The following EMP2 variants were observed in gnomAD, a reference collection of about 807,000 sequenced individuals.
EMP2 encodes the protein epithelial membrane protein 2.
EMP2 carries 19 observed loss-of-function variants against 13.7 expected under a neutral mutation model. The ratio of observed to expected loss-of-function variants is 1.38; its 90% CI spans 0.97 to 2.03. EMP2 has a LOEUF of 2.03. Ranked by LOEUF, EMP2 falls within the 30% of genes most tolerant of loss-of-function variation. EMP2 has a pLI of 0.00. For synonymous variants in EMP2, 97 were observed against 84.7 expected (o/e 1.15, Z -0.80); for missense variants, 253 against 220.7 (o/e 1.15, Z -0.93).
At position 10,532,771 on chromosome 16, in the gene EMP2, T is replaced by TTTTTTTTTTTTTTTTTTTTTTTTTC. The variant is rs2050616339; in HGVS notation, c.*133_*134insGAAAAAAAAAAAAAAAAAAAAAAAA. ...TTTTTCTTTTTTCTTTTTTTTTTTT[T>TTTTTTTTTTTTTTTTTTTTTTTTTC]TTTTTTTTTTTTTTTGGCTTTTAAA... On this transcript the variant is annotated 3_prime_UTR_variant, in exon 5 of 5. Coordinates refer to ENST00000359543, the MANE Select transcript of EMP2 (RefSeq NM_001424.6). 1 of 377,392 alleles carries TTTTTTTTTTTTTTTTTTTTTTTTTC rather than the reference T, an allele frequency of 2.6e-6. No individual in the cohort carries two copies. Among genetic ancestry groups the TTTTTTTTTTTTTTTTTTTTTTTTTC allele is most frequent in the African/African-American group, 2.2e-5 (1 of 44,766 alleles). 23.4% of individuals were successfully genotyped at this position (377,392 alleles called of 1,614,324 possible).
At chr16:10,551,572 A>G (rs1290636602) in intron 1 of EMP2, among the ~76,000 whole-genome samples, 3 of 152,038 alleles carry the variant, frequency 2.0e-5, no homozygotes, top group Non-Finnish European at 4.4e-5. Flanking sequence ...ACGCCTGGCT[A>G]ATTTTTGCAT....
Position 10,557,822 on chromosome 16 carries a change from A to T in EMP2, c.-60-10145T>A, listed in dbSNP as rs898090806. On this transcript the variant is annotated intron_variant, in intron 1 of 4. Coordinates refer to ENST00000359543, the MANE Select transcript of EMP2 (RefSeq NM_001424.6). Reference sequence around the variant, plus strand: ...AACTTCAGACATAAGTTTCTTTTTAAAGGAAAAAGAACCCATAACCAGGGT... The same window carrying T: ...AACTTCAGACATAAGTTTCTTTTTATAGGAAAAAGAACCCATAACCAGGGT... Among the ~76,000 whole-genome samples the T allele has an allele frequency of 2.0e-5, 3 of 152,132 alleles. No individual in the cohort carries two copies. The South Asian group carries it at 6.2e-4, about 32-fold the overall frequency.
In EMP2 at chr16:10,533,587, G is replaced by A. The variant is rs367641523; in HGVS notation, c.317-495C>T. Among the ~76,000 whole-genome samples, 4 of 152,242 alleles carry A rather than the reference G, an allele frequency of 2.6e-5. No individual in the cohort carries two copies. In the East Asian group the frequency reaches 7.7e-4, roughly 29 times the overall value. ...CAGTTTAGGTTTTCTGTGGGCCATG[G>A]TCACACAAGTCTGCCACAGTAGCAT... On this transcript the variant is annotated intron_variant, in intron 4 of 4. Coordinates refer to ENST00000359543, the MANE Select transcript of EMP2 (RefSeq NM_001424.6).
chr16:10,558,114 C>A (rs577590821), intron 1 of EMP2, among the ~76,000 whole-genome samples: 2 of 151,532 alleles, frequency 1.3e-5, no homozygotes, highest in Non-Finnish European at 2.9e-5. Flanking sequence ...ACGGCAACCT[C>A]GAACTTTTGG....
At chr16:10,562,002 G>A (rs1475363356) in intron 1 of EMP2, among the ~76,000 whole-genome samples, 7 of 152,172 alleles carry the variant, frequency 4.6e-5, no homozygotes, top group Non-Finnish European at 7.4e-5. Flanking sequence ...ACTTAAGGAA[G>A]AATAATACCA....
chr16:10,528,733 C>T lies in EMP2; in HGVS notation c.*4172G>A, dbSNP rs572111784. On this transcript the variant is annotated 3_prime_UTR_variant, in exon 5 of 5. Coordinates refer to ENST00000359543, the MANE Select transcript of EMP2 (RefSeq NM_001424.6). ...CCTCTAGGCCTTGCCCTAACATTTC[C>T]CCAACACCACAAAATTGTCCAACTT... is the stretch of plus-strand genomic sequence containing the variant. 3.9e-5 allele frequency: 6 copies of T among 152,280 alleles called. No individual in the cohort carries two copies. The highest frequency in any genetic ancestry group is 1.4e-4 in the African/African-American group (6 of 41,546). The allele number at this position is 152,280 out of a possible 1,614,324, so 9.4% of individuals were successfully genotyped here.
chr16:10,577,601 C>T (rs2050992480), intron 1 of EMP2, among the ~76,000 whole-genome samples: 1 of 152,138 alleles, frequency 6.6e-6, no homozygotes, highest in African/African-American at 2.4e-5. Context: ...CTGAGGCCAT[C>T]GTCCAAGAGT....
intron 1 of EMP2, among the ~76,000 whole-genome samples, chr16:10,577,020 A>C (rs1294245100): frequency 6.6e-6 from 1 of 152,126 alleles, no homozygotes; most frequent in Admixed American, 6.5e-5. Context: ...TCCTGGACAG[A>C]TGACACGTGC....
intron 1 of EMP2, among the ~76,000 whole-genome samples, chr16:10,569,174 G>A (rs946144255): frequency 6.6e-6 from 1 of 152,202 alleles, no homozygotes; most frequent in Non-Finnish European, 1.5e-5. Context: ...TGGAGGTGAT[G>A]AGTACATGAT....
chr16:10,531,681 A>C lies in EMP2; in HGVS notation c.*1224T>G, dbSNP rs1319592612. 6.6e-6 allele frequency: 1 copy of C among 152,650 alleles called. No homozygotes were observed. The highest frequency in any genetic ancestry group is 1.5e-5 in the Non-Finnish European group (1 of 68,222). 9.5% of individuals were successfully genotyped at this position (152,650 alleles called of 1,614,324 possible). On this transcript the variant is annotated 3_prime_UTR_variant, in exon 5 of 5. Coordinates refer to ENST00000359543, the MANE Select transcript of EMP2 (RefSeq NM_001424.6). ...TCTCCTCCACTAGGCCATGAGCCCTAGGAGGAGATTGTCTCTAGAGGGTAT... is the reference window on the plus strand; with the variant it reads ...TCTCCTCCACTAGGCCATGAGCCCTCGGAGGAGATTGTCTCTAGAGGGTAT...
chr16:10,542,443 C>T lies in EMP2; in HGVS notation c.169+1127G>A, dbSNP rs564132478. Among the ~76,000 whole-genome samples, 25 of 117,520 alleles carry T rather than the reference C, an allele frequency of 2.1e-4. 1 individual carries two copies. The East Asian group carries it at 5.9e-3, about 28-fold the overall frequency. 77.1% of individuals were successfully genotyped at this position (117,520 alleles called of 152,430 possible). On this transcript the variant is annotated intron_variant, in intron 3 of 4. Transcript: ENST00000359543. ...ACAAAAACCAAAAAACTAAACCCTC[C>T]CCCCCCACCAACAAAACCAAATATT...
chr16:10,535,700 C>G (rs1282642161), intron 4 of EMP2, among the ~76,000 whole-genome samples: 1 of 152,142 alleles, frequency 6.6e-6, no homozygotes, highest in Non-Finnish European at 1.5e-5. Context: ...ACAGAGTAAC[C>G]ACCCAAGTCC....
At chr16:10,537,869 G>C (rs1170473244) in intron 4 of EMP2, 59 bp downstream of exon 4, 1 of 1,592,266 alleles carries the variant, frequency 6.3e-7, no homozygotes, top group African/African-American at 1.3e-5. Flanking sequence ...CCTGGCGGCT[G>C]GGAAGGGAGT....
At chr16:10,538,713 G>A (rs2050670125) in intron 3 of EMP2, among the ~76,000 whole-genome samples, 1 of 152,186 alleles carries the variant, frequency 6.6e-6, no homozygotes, top group African/African-American at 2.4e-5. Context: ...CATGGGGGCA[G>A]GTCACAGTGA....
At chr16:10,564,555 A>G (rs2050894467) in intron 1 of EMP2, among the ~76,000 whole-genome samples, 1 of 150,834 alleles carries the variant, frequency 6.6e-6, no homozygotes, top group African/African-American at 2.4e-5. Flanking sequence ...TGGTGGTCTG[A>G]TATGTGGGCC....
In EMP2 at chr16:10,538,024, G is replaced by C; in HGVS notation, c.220C>G (p.Leu74Val). ...VQATMILSTI[L>V]CCIAFFIFVL... ...AAGATGAAGAAGGCGATGCAGCAGA[G>C]AATGGTGGAGAGGATCATGGTGGCC... Residue 74 changes from leucine (L) to valine (V), a missense_variant, in exon 4 of 5, where the codon CTC (leucine) becomes GTC (valine). Coordinates refer to ENST00000359543, the MANE Select transcript of EMP2 (RefSeq NM_001424.6). The C allele has an allele frequency of 1.2e-6, 2 of 1,614,116 alleles. No homozygotes were observed. The highest frequency in any genetic ancestry group is 1.7e-6 in the Non-Finnish European group (2 of 1,180,016).
At chr16:10,535,843 C>G (rs1180640371) in intron 4 of EMP2, among the ~76,000 whole-genome samples, 1 of 152,214 alleles carries the variant, frequency 6.6e-6, no homozygotes, top group African/African-American at 2.4e-5. Flanking sequence ...CTACCTCGCC[C>G]AGGGTCCTTG....
chr16:10,560,792 A>G (rs2050865915), intron 1 of EMP2, among the ~76,000 whole-genome samples: 1 of 152,108 alleles, frequency 6.6e-6, no homozygotes, highest in Non-Finnish European at 1.5e-5. Context: ...ACAGGCAAGG[A>G]GTTCGGGACG....
chr16:10,573,777 G>A (rs1048227869), intron 1 of EMP2, among the ~76,000 whole-genome samples: 4 of 152,204 alleles, frequency 2.6e-5, no homozygotes, highest in Middle Eastern at 3.4e-3. Context: ...ATTGTTCCTC[G>A]TATAAACATG....
Sources: allele counts gnomAD v4.1 joint callset (sites outside exome capture counted in the v4.1 genomes callset), GRCh38; gene constraint gnomAD v4.1.1; transcripts MANE v1.5; gene names NCBI Gene and HGNC (gene_info 2026-07-23, HGNC 2026-07-21).